The following NTRK3 variants were observed in gnomAD, a reference collection of about 807,000 sequenced individuals.
NTRK3 encodes neurotrophic receptor tyrosine kinase 3.
In NTRK3, 24 loss-of-function variants were observed where a neutral mutation model predicts 91.7. The observed-to-expected ratio is 0.26, with a 90% CI of 0.19 to 0.37. The LOEUF (loss-of-function observed/expected upper bound fraction) is 0.37. Ranked by LOEUF, NTRK3 falls within the 10% of genes least tolerant of loss-of-function variation. The pLI is 1.00. For synonymous variants in NTRK3, 483 were observed against 404.0 expected, an observed-to-expected ratio of 1.20 and a Z score of -2.34; for missense variants, 880 against 1,068.9, an observed-to-expected ratio of 0.82 and a Z score of 2.46.
intron 13 of NTRK3, among the ~76,000 whole-genome samples, chr15:88,123,717 C>T (rs1348469572): frequency 1.3e-5 from 2 of 152,194 alleles, no homozygotes; most frequent in Non-Finnish European, 2.9e-5. Context: ...GGCAGGACAA[C>T]TGGAAGCAGG....
At chr15:88,023,529 A>G (rs1331863935) in intron 14 of NTRK3, among the ~76,000 whole-genome samples, 1 of 152,224 alleles carries the variant, frequency 6.6e-6, no homozygotes, top group Non-Finnish European at 1.5e-5. Flanking sequence ...AAATGTTTCC[A>G]TTATTAACCA....
chr15:87,859,997 T>C (rs1314630256), exon 19 of NTRK3: 1 of 196,038 alleles, frequency 5.1e-6, no homozygotes, highest in Non-Finnish European at 1.1e-5. Flanking sequence ...TGTCCATACA[T>C]ACACACACAT....
chr15:88,101,349 T>C (rs2050152061), intron 13 of NTRK3, among the ~76,000 whole-genome samples: 1 of 152,158 alleles, frequency 6.6e-6, no homozygotes, highest in Non-Finnish European at 1.5e-5. Flanking sequence ...ATGGTGATCA[T>C]TAAAAAGTCA....
chr15:88,180,033 A>T (rs145093210), intron 5 of NTRK3, among the ~76,000 whole-genome samples: 73 of 152,170 alleles, frequency 4.8e-4, no homozygotes, highest in Non-Finnish European at 8.2e-4. Flanking sequence ...TGATTCTATC[A>T]TCACCACCAG....
intron 3 of NTRK3, among the ~76,000 whole-genome samples, chr15:88,220,285 A>C (rs1347116961): frequency 6.6e-6 from 1 of 152,088 alleles, no homozygotes; most frequent in East Asian, 1.9e-4. Context: ...CAGGGGTCCT[A>C]CTGTAGGCAC....
chr15:87,870,898 C>T (rs1052408725), exon 19 of NTRK3: 15 of 227,536 alleles, frequency 6.6e-5, no homozygotes, highest in East Asian at 3.8e-4. Flanking sequence ...ATGTGGGTCA[C>T]GACACTGAAC....
intron 14 of NTRK3, among the ~76,000 whole-genome samples, chr15:87,952,805 C>T (rs544145928): frequency 6.6e-6 from 1 of 152,152 alleles, no homozygotes; most frequent in Non-Finnish European, 1.5e-5. Flanking sequence ...CCCACTCCCA[C>T]TCCCGGAGCC....
intron 13 of NTRK3, among the ~76,000 whole-genome samples, chr15:88,040,081 T>G (rs907612502): frequency 6.6e-6 from 1 of 152,104 alleles, no homozygotes; most frequent in Non-Finnish European, 1.5e-5. Context: ...TAAAGTACAT[T>G]GATTTCTTTA....
intron 3 of NTRK3, among the ~76,000 whole-genome samples, chr15:88,202,880 A>C (rs2048421831): frequency 6.6e-6 from 1 of 152,212 alleles, no homozygotes; most frequent in African/African-American, 2.4e-5. Context: ...AGGAAGTAAA[A>C]TGCCACTGGC....
chr15:88,251,859 G>A (rs935288961), intron 3 of NTRK3, among the ~76,000 whole-genome samples: 11 of 152,218 alleles, frequency 7.2e-5, no homozygotes, highest in Admixed American at 2.6e-4. Context: ...CAGTAGATGA[G>A]GACTTTCAAA....
At chr15:88,116,413 C>A (rs554052722) in intron 13 of NTRK3, among the ~76,000 whole-genome samples, 1 of 150,606 alleles carries the variant, frequency 6.6e-6, no homozygotes, top group South Asian at 2.1e-4. Context: ...GGTGAAACCC[C>A]GTATCTACTA....
chr15:88,052,450 T>A (rs1326565291), intron 13 of NTRK3, among the ~76,000 whole-genome samples: 1 of 152,204 alleles, frequency 6.6e-6, no homozygotes, highest in Non-Finnish European at 1.5e-5. Flanking sequence ...TAGTTTGGAG[T>A]AAGCACGCTA....
chr15:88,062,012 TA>T (rs1348080916), intron 13 of NTRK3, among the ~76,000 whole-genome samples: 2 of 152,164 alleles, frequency 1.3e-5, no homozygotes, highest in African/African-American at 4.8e-5. Context: ...ATTAACAAAA[TA>T]AAAAATCATA....
At chr15:87,921,571 T>A (rs1836592) in intron 17 of NTRK3, among the ~76,000 whole-genome samples, 23,333 of 152,150 alleles carry the variant, frequency 0.15, 1,992 homozygotes, top group South Asian at 0.24. Flanking sequence ...AATAGACTTG[T>A]GATGGACCCC....
chr15:88,071,900 C>G (rs985754213), intron 13 of NTRK3, among the ~76,000 whole-genome samples: 3 of 152,084 alleles, frequency 2.0e-5, no homozygotes, highest in African/African-American at 7.2e-5. Flanking sequence ...GGTGCCTTGG[C>G]TCTTAGTAGT....
intron 14 of NTRK3, among the ~76,000 whole-genome samples, chr15:87,959,042 T>C (rs1399766598): frequency 2.2e-5 from 3 of 135,312 alleles, no homozygotes; most frequent in Non-Finnish European, 3.1e-5. Flanking sequence ...CCCTTCCTTC[T>C]CTTCTGAAAC....
chr15:88,032,781 A>G (rs1275981497), intron 14 of NTRK3, 76 bp downstream of exon 14: 14 of 1,544,832 alleles, frequency 9.1e-6, no homozygotes, highest in Non-Finnish European at 8.9e-7. Flanking sequence ...AGAAGGTTCC[A>G]GAACCCCAGG....
At chr15:88,206,754 G>C (rs1253048847) in intron 3 of NTRK3, among the ~76,000 whole-genome samples, 2 of 152,066 alleles carry the variant, frequency 1.3e-5, no homozygotes, top group Non-Finnish European at 2.9e-5. Context: ...AGGCGGGCGG[G>C]GCCGGGTCTT....
intron 17 of NTRK3, among the ~76,000 whole-genome samples, chr15:87,910,078 G>A (rs940838697): frequency 6.6e-6 from 1 of 152,202 alleles, no homozygotes; most frequent in Non-Finnish European, 1.5e-5. Context: ...ATGGAGCCAA[G>A]GGGGCTTCTT....
Sources: allele counts gnomAD v4.1 joint callset (sites outside exome capture counted in the v4.1 genomes callset), GRCh38; gene constraint gnomAD v4.1.1; transcripts MANE v1.5; gene names NCBI Gene and HGNC (gene_info 2026-07-23, HGNC 2026-07-21).